CDKAL1: variants seen among roughly 807,000 people sequenced by gnomAD.
CDKAL1 encodes threonylcarbamoyladenosine tRNA methylthiotransferase.
CDKAL1 carries 32 observed loss-of-function variants against 68.2 expected under a neutral mutation model. The observed-to-expected ratio is 0.47, with a 90% confidence interval of 0.35 to 0.63. CDKAL1 has a LOEUF of 0.63. CDKAL1 is among the 30% of genes least tolerant of loss of function. CDKAL1 has a pLI of 0.00. For synonymous variants in CDKAL1, 234 were observed against 244.3 expected (o/e 0.96, Z 0.39); for missense variants, 606 against 696.7 (o/e 0.87, Z 1.47).
intron 4 of CDKAL1, among the ~76,000 whole-genome samples, chr6:20,583,002 A>G: frequency 7.0e-6 from 1 of 143,496 alleles, no homozygotes; most frequent in East Asian, 1.9e-4. Flanking sequence ...TGGTAATAAG[A>G]AAGACTTTCT....
chr6:21,041,670 G>C lies in CDKAL1; in HGVS notation c.1056-23378G>C, dbSNP rs1178878715. 5.0e-5 allele frequency among the ~76,000 whole-genome samples: 7 copies of C among 140,138 alleles called. No individual in the cohort carries two copies. The East Asian group carries it at 8.2e-4, about 16-fold the overall frequency. 91.9% of individuals were successfully genotyped at this position (140,138 alleles called of 152,430 possible). A position where few individuals can be genotyped will look rare whatever the true frequency, so the allele number is the denominator to read the frequency against. On this transcript the variant is annotated intron_variant, in intron 11 of 15. Coordinates refer to ENST00000274695, the MANE Select transcript of CDKAL1 (RefSeq NM_017774.3). ...CTTTCTTACACAACATATAATACTT[G>C]CCTATCGTATTTGGTACTGGATAAT...
chr6:20,627,900 A>C (rs112175092), intron 4 of CDKAL1, among the ~76,000 whole-genome samples: 3 of 152,272 alleles, frequency 2.0e-5, no homozygotes, highest in African/African-American at 7.2e-5. Flanking sequence ...ATTTGCTGTT[A>C]GTATACAAAG....
At chr6:20,974,006 T>G (rs1310174457) in intron 10 of CDKAL1, among the ~76,000 whole-genome samples, 1 of 152,230 alleles carries the variant, frequency 6.6e-6, no homozygotes, top group Admixed American at 6.5e-5. Context: ...AACGCTTACA[T>G]TAGGGAAAAC....
intron 11 of CDKAL1, among the ~76,000 whole-genome samples, chr6:21,021,498 G>C (rs945945058): frequency 2.0e-5 from 3 of 151,134 alleles, no homozygotes; most frequent in Non-Finnish European, 3.0e-5. Flanking sequence ...AAATATGAAG[G>C]AAAAAAAACA....
At chr6:20,608,002 A>G (rs1442361040) in intron 4 of CDKAL1, among the ~76,000 whole-genome samples, 1 of 152,084 alleles carries the variant, frequency 6.6e-6, no homozygotes, top group Non-Finnish European at 1.5e-5. Context: ...GCCCAAGGTA[A>G]CTCTTAATAA....
chr6:21,184,657 A>G (rs184470793), intron 13 of CDKAL1, among the ~76,000 whole-genome samples: 1 of 151,094 alleles, frequency 6.6e-6, no homozygotes, highest in Non-Finnish European at 1.5e-5. Context: ...TTAATTAATT[A>G]ATTTATTTAT....
At chr6:20,581,405 CT>C (rs1765139099) in intron 4 of CDKAL1, among the ~76,000 whole-genome samples, 1 of 152,168 alleles carries the variant, frequency 6.6e-6, no homozygotes, top group Non-Finnish European at 1.5e-5. Context: ...GAAGTCCTGT[CT>C]TTCATTCTTA....
At chr6:20,863,150 T>G (rs1377330787) in intron 9 of CDKAL1, among the ~76,000 whole-genome samples, 1 of 152,218 alleles carries the variant, frequency 6.6e-6, no homozygotes, top group African/African-American at 2.4e-5. Flanking sequence ...CCTGAGAGTC[T>G]GCATTTTTAA....
chr6:20,956,162 A>C (rs1384135115), intron 10 of CDKAL1, among the ~76,000 whole-genome samples: 2 of 152,236 alleles, frequency 1.3e-5, no homozygotes, highest in African/African-American at 4.8e-5. Context: ...ATCCCTGAAT[A>C]CATGACATTT....
chr6:21,159,088 T>G (rs867582006), intron 13 of CDKAL1, among the ~76,000 whole-genome samples: 41 of 150,302 alleles, frequency 2.7e-4, no homozygotes, highest in Admixed American at 1.2e-3. Flanking sequence ...TTGACCTTGT[T>G]TTCTGAAACC....
intron 9 of CDKAL1, among the ~76,000 whole-genome samples, chr6:20,881,365 T>TA (rs1760807219): frequency 6.6e-6 from 1 of 152,222 alleles, no homozygotes; most frequent in South Asian, 2.1e-4. Context: ...TTGCCATATA[T>TA]AATCATAGCA....
At chr6:20,648,381 G>C (rs1768585595) in intron 4 of CDKAL1, among the ~76,000 whole-genome samples, 1 of 152,010 alleles carries the variant, frequency 6.6e-6, no homozygotes, top group African/African-American at 2.4e-5. Flanking sequence ...ACCCTCCACA[G>C]CCTCCCAAAG....
rs1776105981 is a variant in CDKAL1 at position 21,145,136 on chromosome 6, T to C, written c.1299+36673T>C. The stretch of plus-strand genomic sequence containing the variant: ...ATGGAGCTCATTTGCATGCACTTGA[T>C]TCACAGCCTTTATTTCCAGGCAGTC... On this transcript the variant is annotated intron_variant, in intron 13 of 15. Coordinates refer to ENST00000274695, the MANE Select transcript of CDKAL1 (RefSeq NM_017774.3). 7.2e-5 allele frequency among the ~76,000 whole-genome samples: 11 copies of C among 152,174 alleles called. 1 individual carries two copies. In the South Asian group the frequency reaches 2.3e-3, roughly 32 times the overall value.
intron 4 of CDKAL1, among the ~76,000 whole-genome samples, chr6:20,551,291 A>G (rs1561919110): frequency 1.3e-5 from 2 of 152,200 alleles, no homozygotes; most frequent in Non-Finnish European, 2.9e-5. Context: ...AGTCCTAGCT[A>G]TAAGACAGCA....
At chr6:20,797,650 A>G (rs1407401412) in intron 8 of CDKAL1, among the ~76,000 whole-genome samples, 1 of 152,136 alleles carries the variant, frequency 6.6e-6, no homozygotes, top group Non-Finnish European at 1.5e-5. Context: ...AATACCACCA[A>G]ACAAAAAAAG....
At chr6:20,929,726 G>GCT (rs1763342254) in intron 9 of CDKAL1, among the ~76,000 whole-genome samples, 1 of 151,996 alleles carries the variant, frequency 6.6e-6, no homozygotes, top group Non-Finnish European at 1.5e-5. Flanking sequence ...AGATCTACTA[G>GCT]CTCTCTGCCT....
chr6:21,015,054 C>T (rs931530894), intron 11 of CDKAL1, among the ~76,000 whole-genome samples: 1 of 152,164 alleles, frequency 6.6e-6, no homozygotes, highest in African/African-American at 2.4e-5. Context: ...CCATCTAGGG[C>T]ATATCTTTCT....
At chr6:20,791,805 T>C (rs1775909274) in intron 8 of CDKAL1, among the ~76,000 whole-genome samples, 1 of 152,218 alleles carries the variant, frequency 6.6e-6, no homozygotes, top group Non-Finnish European at 1.5e-5. Context: ...GTATGACCAT[T>C]GTGCCTTCCT....
chr6:20,721,691 G>A (rs1772367912), intron 5 of CDKAL1, among the ~76,000 whole-genome samples: 1 of 146,342 alleles, frequency 6.8e-6, no homozygotes, highest in Non-Finnish European at 1.5e-5. Context: ...CAGTGCGTAA[G>A]CATTCCTTCT....
Sources: gnomAD v4.1 joint callset for allele counts (sites outside exome capture counted in the v4.1 genomes callset) on GRCh38, gnomAD v4.1.1 for gene constraint, MANE v1.5 for transcripts, NCBI Gene and HGNC (gene_info 2026-07-23, HGNC 2026-07-21) for gene names.